TNKS: variants seen among roughly 807,000 people sequenced by gnomAD.
TNKS encodes the protein poly [ADP-ribose] polymerase tankyrase-1.
Under a neutral mutation model 135.8 loss-of-function variants are expected in TNKS, and 72 were observed. That is an observed-to-expected ratio of 0.53 (90% CI 0.44 to 0.64). The LOEUF is 0.64. Among genes scored for constraint, TNKS ranks in the 30% least tolerant of loss-of-function variants. TNKS has a pLI of 0.00. For synonymous variants in TNKS, 849 were observed against 649.3 expected, an observed-to-expected ratio of 1.31 and a Z score of -4.68; for missense variants, 1,769 against 1,674.0, an observed-to-expected ratio of 1.06 and a Z score of -0.99.
In TNKS at chr8:9,616,252, A is replaced by G. The variant is rs145271946; in HGVS notation, c.994+575A>G. Reference sequence around the variant, plus strand: ...CTTAAATATTAGTTTTATTAAAGCAAATGCCAAGAACCAGCAAAGAGGAAA... The same window carrying G: ...CTTAAATATTAGTTTTATTAAAGCAGATGCCAAGAACCAGCAAAGAGGAAA... On this transcript the variant is annotated intron_variant, in intron 3 of 26. Transcript: ENST00000310430. Among the ~76,000 whole-genome samples, 16 of 152,376 alleles carry G rather than the reference A, an allele frequency of 1.1e-4. No homozygotes were observed. The East Asian group carries it at 3.1e-3, about 29-fold the overall frequency.
At chr8:9,592,936 C>G (rs970222710) in intron 2 of TNKS, among the ~76,000 whole-genome samples, 2 of 152,266 alleles carry the variant, frequency 1.3e-5, no homozygotes, top group African/African-American at 4.8e-5. Context: ...TTTAGATTAT[C>G]TTCCATTTGT....
Position 9,765,250 on chromosome 8 carries a change from C to G in TNKS, c.3448-442C>G, listed in dbSNP as rs187160544. 4.3e-3 allele frequency among the ~76,000 whole-genome samples: 658 copies of G among 152,144 alleles called. 2 individuals carry two copies. The highest frequency in any genetic ancestry group is 0.01 in the Middle Eastern group (3 of 294). ...ACTCAAGCTTTTTACAAAGGGGTAT[C>G]ATAAAGATGAATAAAACCTGTAGAG... On this transcript the variant is annotated intron_variant, in intron 23 of 26. Transcript: ENST00000310430.
chr8:9,602,309 C>T (rs1428616580), intron 2 of TNKS, among the ~76,000 whole-genome samples: 5 of 152,130 alleles, frequency 3.3e-5, no homozygotes, highest in Admixed American at 6.5e-5. Flanking sequence ...CCATGGTCTA[C>T]GTATCGCAGG....
chr8:9,780,159 C>T lies in TNKS; in HGVS notation c.*3423C>T, dbSNP rs973050151. Reference sequence around the variant, plus strand: ...TCTAGGTTTTTCTGTTTCAGTGTCTCTCCCAATGGCACGAAGGGTTATTGG... The same window carrying T: ...TCTAGGTTTTTCTGTTTCAGTGTCTTTCCCAATGGCACGAAGGGTTATTGG... On this transcript the variant is annotated 3_prime_UTR_variant, in exon 27 of 27. Coordinates refer to ENST00000310430, the MANE Select transcript of TNKS (RefSeq NM_003747.3). The T allele has an allele frequency of 7.2e-5, 11 of 152,204 alleles. No homozygotes were observed. The highest frequency in any genetic ancestry group is 7.2e-4 in the Admixed American group (11 of 15,270). 9.4% of individuals were successfully genotyped at this position (152,204 alleles called of 1,614,324 possible). A position where few individuals can be genotyped will look rare whatever the true frequency, so the allele number is the denominator to read the frequency against.
At chr8:9,570,115 C>A (rs1381498106) in intron 1 of TNKS, among the ~76,000 whole-genome samples, 2 of 151,996 alleles carry the variant, frequency 1.3e-5, no homozygotes, top group African/African-American at 4.8e-5. Flanking sequence ...CTTTTTTAAG[C>A]AGATGCCAGG....
chr8:9,611,272 G>T (rs1799452211), intron 2 of TNKS, among the ~76,000 whole-genome samples: 1 of 152,178 alleles, frequency 6.6e-6, no homozygotes, highest in African/African-American at 2.4e-5. Flanking sequence ...AGATAGTATA[G>T]GGGGCTTTGT....
At chr8:9,559,763 T>A (rs1228106329) in intron 1 of TNKS, among the ~76,000 whole-genome samples, 1 of 152,212 alleles carries the variant, frequency 6.6e-6, no homozygotes. Flanking sequence ...TAAATCCTTA[T>A]CACTTTATTT....
chr8:9,673,504 G>T (rs1376658619), intron 3 of TNKS, among the ~76,000 whole-genome samples: 1 of 148,834 alleles, frequency 6.7e-6, no homozygotes, highest in East Asian at 2.0e-4. Flanking sequence ...GAGTGCAGTG[G>T]TGCGATCTCA....
At chr8:9,665,998 A>C (rs1245111916) in intron 3 of TNKS, among the ~76,000 whole-genome samples, 1 of 151,966 alleles carries the variant, frequency 6.6e-6, no homozygotes, top group Non-Finnish European at 1.5e-5. Context: ...CCTCCAAATA[A>C]ATGTGCAAAG....
At chr8:9,718,514 G>A (rs1804718677) in intron 11 of TNKS, among the ~76,000 whole-genome samples, 1 of 152,076 alleles carries the variant, frequency 6.6e-6, no homozygotes, top group African/African-American at 2.4e-5. Flanking sequence ...AACTGTTTTG[G>A]CATTTTTTGA....
chr8:9,680,255 G>A (rs1192630851), intron 4 of TNKS, among the ~76,000 whole-genome samples: 1 of 151,986 alleles, frequency 6.6e-6, no homozygotes, highest in African/African-American at 2.4e-5. Context: ...GATATTCTTG[G>A]AGTATTTAAA....
chr8:9,560,181 T>C (rs1797268442), intron 1 of TNKS, among the ~76,000 whole-genome samples: 1 of 152,132 alleles, frequency 6.6e-6, no homozygotes, highest in South Asian at 2.1e-4. Context: ...GACCCATATA[T>C]TCTGAAGACG....
Position 9,706,796 on chromosome 8 carries a change from T to C in TNKS, c.1270-15T>C. 2 of 1,584,686 alleles carry C rather than the reference T, an allele frequency of 1.3e-6. No individual in the cohort carries two copies. The highest frequency in any genetic ancestry group is 1.7e-6 in the Non-Finnish European group (2 of 1,171,868). On this transcript the variant is annotated splice_polypyrimidine_tract_variant and intron_variant, in intron 7 of 26. Transcript: ENST00000310430. ...AAATGATTACTGACCTAAAATGTTT[T>C]TTTTCTCAATTCAGCATGGAGCTTG... is the stretch of plus-strand genomic sequence containing the variant.
intron 13 of TNKS, among the ~76,000 whole-genome samples, chr8:9,728,817 C>G (rs867508735): frequency 3.3e-5 from 5 of 152,102 alleles, no homozygotes; most frequent in African/African-American, 1.2e-4. Context: ...GTTGATGAAA[C>G]TGTGAACTCG....
rs777349202 is a variant in TNKS at position 9,706,232 on chromosome 8, A to G, written c.1248A>G (p.Glu416=). ...LHNACSYGHY[E]VTELLLKHGA... is the part of the protein sequence containing the mutation. ...ATGCATGTTCATATGGACATTATGAAGTCACAGAACTGCTACTAAAGGTAA... is the reference window on the plus strand; with the variant it reads ...ATGCATGTTCATATGGACATTATGAGGTCACAGAACTGCTACTAAAGGTAA... Residue 416 remains glutamate (E), a synonymous_variant, in exon 7 of 27, where the codon GAA becomes GAG. Transcript: ENST00000310430. 6 of 1,576,430 alleles carry G rather than the reference A, an allele frequency of 3.8e-6. No individual in the cohort carries two copies. In the East Asian group the frequency reaches 1.4e-4, roughly 37 times the overall value.
chr8:9,580,448 A>C (rs1210641492), intron 2 of TNKS, 65 bp downstream of exon 2: 13 of 1,439,646 alleles, frequency 9.0e-6, no homozygotes, highest in Non-Finnish European at 1.2e-5. Context: ...TTTGTGGTAC[A>C]AATAGTGTTT....
chr8:9,643,753 G>A (rs780257607), intron 3 of TNKS, among the ~76,000 whole-genome samples: 12 of 152,070 alleles, frequency 7.9e-5, no homozygotes, highest in Non-Finnish European at 5.9e-5. Context: ...CATATGACCC[G>A]GCAATTCTGC....
At chr8:9,608,215 A>G (rs143161606) in intron 2 of TNKS, among the ~76,000 whole-genome samples, 99 of 152,344 alleles carry the variant, frequency 6.5e-4, no homozygotes, top group African/African-American at 2.3e-3. Context: ...TGCTGGGAAT[A>G]TAGGCATGAG....
chr8:9,633,564 T>C (rs1246472297), intron 3 of TNKS, among the ~76,000 whole-genome samples: 1 of 152,184 alleles, frequency 6.6e-6, no homozygotes, highest in Non-Finnish European at 1.5e-5. Context: ...GTTTGTATAG[T>C]CCCCTCCCAC....
Sources: allele counts gnomAD v4.1 joint callset (sites outside exome capture counted in the v4.1 genomes callset), GRCh38; gene constraint gnomAD v4.1.1; transcripts MANE v1.5; gene names NCBI Gene and HGNC (gene_info 2026-07-23, HGNC 2026-07-21).